The following NCAPG2 variants were observed in gnomAD, a reference collection of about 807,000 sequenced individuals.
NCAPG2 encodes the protein non-SMC condensin II complex subunit G2, also known as condensin-2 complex subunit G2.
In NCAPG2, 53 loss-of-function variants were observed where a neutral mutation model predicts 141.1. That is an observed-to-expected ratio of 0.38 (90% CI 0.30 to 0.47). The LOEUF (loss-of-function observed/expected upper bound fraction) is 0.47. Ranked by LOEUF, NCAPG2 falls within the 20% of genes least tolerant of loss-of-function variation. The pLI is 0.99. For missense variants in NCAPG2, 1,087 were observed against 1,389.0 expected (o/e 0.78, Z 3.46); for synonymous variants, 499 against 490.7 (o/e 1.02, Z -0.22).
intron 16 of NCAPG2, among the ~76,000 whole-genome samples, chr7:158,659,329 CAA>C (rs34735258): frequency 1.5e-4 from 13 of 85,706 alleles, no homozygotes; most frequent in Admixed American, 2.6e-4. Flanking sequence ...GACTCCATCT[CAA>C]AAAAAAAAAA....
intron 16 of NCAPG2, among the ~76,000 whole-genome samples, chr7:158,661,857 T>C (rs1832535687): frequency 6.6e-6 from 1 of 152,210 alleles, no homozygotes; most frequent in Non-Finnish European, 1.5e-5. Context: ...TGAGTACTAC[T>C]GTACCTCCAT....
chr7:158,695,562 T>A (rs59551278), intron 2 of NCAPG2, among the ~76,000 whole-genome samples: 83,328 of 152,060 alleles, frequency 0.55, 23,329 homozygotes, highest in Non-Finnish European at 0.6. Flanking sequence ...GAGCTGGGGA[T>A]GTGAGAAATG....
intron 11 of NCAPG2, among the ~76,000 whole-genome samples, chr7:158,679,554 GAAGTT>G (rs1834315489): frequency 6.6e-6 from 1 of 152,144 alleles, no homozygotes; most frequent in African/African-American, 2.4e-5. Flanking sequence ...AAGACACAGA[GAAGTT>G]AAGTGACTTG....
At chr7:158,670,510 C>T (rs1833618067) in intron 13 of NCAPG2, among the ~76,000 whole-genome samples, 1 of 152,174 alleles carries the variant, frequency 6.6e-6, no homozygotes, top group South Asian at 2.1e-4. Context: ...CAAGATCACA[C>T]CCCAGCACTC....
intron 20 of NCAPG2, 34 bp downstream of exon 20, chr7:158,655,305 T>C (rs1160037840): frequency 3.1e-6 from 5 of 1,614,040 alleles, no homozygotes; most frequent in African/African-American, 2.7e-5. Context: ...GAGCACTGTG[T>C]ATCATCCTAA....
chr7:158,698,594 C>T (rs1320477800), intron 2 of NCAPG2, among the ~76,000 whole-genome samples: 4 of 152,192 alleles, frequency 2.6e-5, no homozygotes, highest in Non-Finnish European at 4.4e-5. Context: ...GCTGCTCCAT[C>T]TGGGTGTATG....
In NCAPG2 at chr7:158,633,326, C is replaced by T. The variant is rs1830002477; in HGVS notation, c.3381-1609G>A. Among the ~76,000 whole-genome samples, 1 of 152,302 alleles carries T rather than the reference C, an allele frequency of 6.6e-6. No homozygotes were observed. The highest frequency in any genetic ancestry group is 1.9e-4 in the East Asian group (1 of 5,188). On this transcript the variant is annotated intron_variant, in intron 27 of 27. Transcript: ENST00000356309. The surrounding 1 kb of genome is among the most constrained non-coding windows in gnomAD (Gnocchi z 4.1). ...CACAGGAACCATCTCTGTAGTGTGTCTGTGACACTTGAGCTCTAGACTGTC... is the reference window on the plus strand; with the variant it reads ...CACAGGAACCATCTCTGTAGTGTGTTTGTGACACTTGAGCTCTAGACTGTC...
At chr7:158,702,008 T>A in intron 1 of NCAPG2, 70 bp from the exon 2 acceptor site, 1 of 1,004,818 alleles carries the variant, frequency 1.0e-6, no homozygotes, top group Non-Finnish European at 1.5e-6. Context: ...AATTTGATAT[T>A]AACATCCAAG....
At chr7:158,654,404 A>G (rs568609680) in intron 22 of NCAPG2, among the ~76,000 whole-genome samples, 191 bp downstream of exon 22, 1 of 152,346 alleles carries the variant, frequency 6.6e-6, no homozygotes, top group South Asian at 2.1e-4. Context: ...CTCTGGATGT[A>G]GTCATGTCTG....
rs564420462 is a variant in NCAPG2 at position 158,685,308 on chromosome 7, T to C, written c.837+864A>G. 2.6e-5 allele frequency among the ~76,000 whole-genome samples: 4 copies of C among 152,304 alleles called. No homozygotes were observed. The South Asian group carries it at 8.3e-4, about 32-fold the overall frequency. On this transcript the variant is annotated intron_variant, in intron 8 of 27. Coordinates refer to ENST00000356309, the MANE Select transcript of NCAPG2 (RefSeq NM_017760.7). The stretch of plus-strand genomic sequence containing the variant: ...AATAATGTAACTAAAAGAGGTGACT[T>C]GAAGTCCCTGAACGGCACTATCCAA...
rs1831795895 is a variant in NCAPG2, at chr7:158,654,994, T to C, written c.2646+124A>G. 3.2e-6 allele frequency: 4 copies of C among 1,252,684 alleles called. No individual in the cohort carries two copies. The South Asian group carries it at 6.3e-5, about 20-fold the overall frequency. The allele number at this position is 1,252,684 out of a possible 1,614,324, so 77.6% of individuals were successfully genotyped here. A position where few individuals can be genotyped will look rare whatever the true frequency, so the allele number is the denominator to read the frequency against. On this transcript the variant is annotated intron_variant, in intron 21 of 27. Coordinates refer to ENST00000356309, the MANE Select transcript of NCAPG2 (RefSeq NM_017760.7). The stretch of plus-strand genomic sequence containing the variant: ...AAGATAAACTAGAAAGTTAGATAAA[T>C]GTCCCTGTAAGTTTTTAAGAATAAC...
At chr7:158,660,628 C>A (rs1395591001) in intron 16 of NCAPG2, among the ~76,000 whole-genome samples, 1 of 152,060 alleles carries the variant, frequency 6.6e-6, no homozygotes, top group Non-Finnish European at 1.5e-5. Context: ...GTTGCCCAGG[C>A]TAGTCTCAAA....
chr7:158,641,869 T>C (rs951265814), intron 27 of NCAPG2, among the ~76,000 whole-genome samples: 2 of 152,134 alleles, frequency 1.3e-5, no homozygotes, highest in African/African-American at 2.4e-5. Flanking sequence ...AGGAAGGACA[T>C]AGTTCAACCC....
rs80353907 is a variant in NCAPG2 at position 158,678,134 on chromosome 7, A to G, written c.1146+1826T>C. On this transcript the variant is annotated intron_variant, in intron 11 of 27. Coordinates refer to ENST00000356309, the MANE Select transcript of NCAPG2 (RefSeq NM_017760.7). Reference sequence around the variant, plus strand: ...TAAAAAAAAAAAAAAGGTTCTCCATATTACTCAGGTTTAAGAAATACCAAT... The same window carrying G: ...TAAAAAAAAAAAAAAGGTTCTCCATGTTACTCAGGTTTAAGAAATACCAAT... Among the ~76,000 whole-genome samples, 898 of 151,168 alleles carry G rather than the reference A, an allele frequency of 5.9e-3. 11 individuals carry two copies. The highest frequency in any genetic ancestry group is 8.4e-3 in the Admixed American group (127 of 15,190).
chr7:158,654,439 G>A (rs557268915), intron 22 of NCAPG2, among the ~76,000 whole-genome samples, 156 bp downstream of exon 22: 20 of 152,224 alleles, frequency 1.3e-4, no homozygotes, highest in Admixed American at 4.6e-4. Context: ...CTTAATTTCC[G>A]GGCTGAACCA....
chr7:158,646,591 T>C (rs1435558055), intron 24 of NCAPG2, 28 bp from the exon 25 acceptor site: 1 of 1,478,846 alleles, frequency 6.8e-7, no homozygotes, highest in Non-Finnish European at 9.2e-7. Flanking sequence ...CAGCAAGTTG[T>C]AAACAGAGAC....
chr7:158,694,488 C>G (rs1276328659), intron 2 of NCAPG2, among the ~76,000 whole-genome samples: 1 of 152,180 alleles, frequency 6.6e-6, no homozygotes, highest in Admixed American at 6.5e-5. Flanking sequence ...CGGACACCTA[C>G]CCACACAGGG....
chr7:158,654,604 T>A lies in NCAPG2; in HGVS notation c.2737A>T (p.Met913Leu), dbSNP rs976798975. The A allele has an allele frequency of 1.1e-5, 18 of 1,613,734 alleles. No homozygotes were observed. The Admixed American group carries it at 1.5e-4, about 13-fold the overall frequency. The change falls in exon 22 of 28, where the codon ATG becomes TTG. Residue 913 changes from methionine to leucine, a missense_variant. Physicochemically the swap from Met to Leu is conservative, Grantham distance 15 (BLOSUM62 2). Transcript: ENST00000356309. ...ACAGCCCTGACTGTACCTGTTTGCA[T>A]GATTCCAAGACTCCGCTGTAAGAGT... is the stretch of plus-strand genomic sequence containing the variant. ...MQLLQRSLGIMQTVKGFFYVS... is the reference protein window; with the variant it reads ...MQLLQRSLGILQTVKGFFYVS...
intron 8 of NCAPG2, among the ~76,000 whole-genome samples, chr7:158,684,656 T>A (rs1330654572): frequency 6.6e-6 from 1 of 152,120 alleles, no homozygotes; most frequent in Admixed American, 6.5e-5. Context: ...AGGAATGGAG[T>A]GAGACTGAGA....
Sources: gnomAD v4.1 joint callset for allele counts (sites outside exome capture counted in the v4.1 genomes callset) on GRCh38, gnomAD v4.1.1 for gene constraint, Gnocchi (gnomAD v3.1) non-coding constraint, MANE v1.5 for transcripts, NCBI Gene and HGNC (gene_info 2026-07-23, HGNC 2026-07-21) for gene names.